LTF: variants seen among roughly 807,000 people sequenced by gnomAD.
The protein encoded by LTF is lactotransferrin.
Under a neutral mutation model 87.2 loss-of-function variants are expected in LTF, and 91 were observed. The observed-to-expected ratio is 1.04, with a 90% CI of 0.88 to 1.24. The LOEUF (loss-of-function observed/expected upper bound fraction) is 1.24. Ranked by LOEUF, LTF falls within the 50% of genes most tolerant of loss-of-function variation. LTF has a pLI of 0.00. For missense variants in LTF, 901 were observed against 904.3 expected (o/e 1.00, Z 0.05); for synonymous variants, 378 against 356.1 (o/e 1.06, Z -0.69).
At chr3:46,484,549 G>A (rs576511144) in intron 1 of LTF, among the ~76,000 whole-genome samples, 155 of 152,274 alleles carry the variant, frequency 1.0e-3, no homozygotes, top group African/African-American at 3.6e-3. Context: ...GTCCCTGCTG[G>A]GAAGGCAGTG....
At chr3:46,444,735 C>T (rs1441221824) in intron 12 of LTF, among the ~76,000 whole-genome samples, 2 of 152,206 alleles carry the variant, frequency 1.3e-5, no homozygotes, top group Non-Finnish European at 1.5e-5. Flanking sequence ...CACCATGCCA[C>T]GGGGCCCACA....
chr3:46,452,565 G>C (rs951180476), intron 6 of LTF, among the ~76,000 whole-genome samples: 5 of 152,180 alleles, frequency 3.3e-5, no homozygotes, highest in African/African-American at 1.2e-4. Context: ...AGAGGGGAGA[G>C]GGAGCTCTCT....
At chr3:46,441,532 G>A in intron 13 of LTF, 49 bp from the exon 14 acceptor site, 1 of 1,342,176 alleles carries the variant, frequency 7.5e-7, no homozygotes, top group South Asian at 1.2e-5. Context: ...AGAAACTAGT[G>A]GGGCTTTCAT....
chr3:46,436,118 C>T lies in LTF; in HGVS notation c.*77G>A. Reference sequence around the variant, plus strand: ...CCTTCAGCAGGGGAGGCCAAGGCCCCAACACACCTGGGGAGAAGAGCTGGG... The same window carrying T: ...CCTTCAGCAGGGGAGGCCAAGGCCCTAACACACCTGGGGAGAAGAGCTGGG... On this transcript the variant is annotated 3_prime_UTR_variant, in exon 17 of 17. Coordinates refer to ENST00000231751, the MANE Select transcript of LTF (RefSeq NM_002343.6). The T allele has an allele frequency of 6.8e-7, 1 of 1,461,202 alleles. No individual in the cohort carries two copies. The highest frequency in any genetic ancestry group is 9.6e-7 in the Non-Finnish European group (1 of 1,041,218). 90.5% of individuals were successfully genotyped at this position (1,461,202 alleles called of 1,614,324 possible).
At chr3:46,472,154 C>G (rs1304318552) in intron 1 of LTF, among the ~76,000 whole-genome samples, 1 of 152,144 alleles carries the variant, frequency 6.6e-6, no homozygotes, top group Non-Finnish European at 1.5e-5. Context: ...TCTTATTCAG[C>G]TAAAACCAGA....
intron 12 of LTF, among the ~76,000 whole-genome samples, chr3:46,444,263 C>T (rs1702592867): frequency 6.6e-6 from 1 of 152,172 alleles, no homozygotes; most frequent in Non-Finnish European, 1.5e-5. Flanking sequence ...GATTAAAGCC[C>T]AGGTTCCAGA....
intron 1 of LTF, chr3:46,470,501 GT>G (rs1423241482): frequency 4.6e-5 from 7 of 152,326 alleles, no homozygotes; most frequent in African/African-American, 1.7e-4. Flanking sequence ...CCTTCACTCA[GT>G]AGGAGCCTGA....
intron 5 of LTF, 128 bp from the exon 6 acceptor site, chr3:46,454,488 G>T: frequency 1.2e-6 from 1 of 850,386 alleles, no homozygotes; most frequent in East Asian, 2.4e-5. Context: ...CTGAAGCTTT[G>T]GGGCATCCCA....
rs2106823690 is a variant in LTF, at chr3:46,437,924, G to C, written c.2098+16C>G. The C allele has an allele frequency of 1.2e-6, 2 of 1,610,846 alleles. No individual in the cohort carries two copies. The highest frequency in any genetic ancestry group is 1.3e-5 in the African/African-American group (1 of 74,778). On this transcript the variant is annotated intron_variant, in intron 16 of 16. Transcript: ENST00000231751. The stretch of plus-strand genomic sequence containing the variant: ...CCATGGTGGTTTCTCGGGGATGCTA[G>C]CTAGGGTCTACTTACGGGAGGTTGA...
Position 46,445,328 on chromosome 3 carries a change from T to C in LTF, c.1466A>G (p.Asn489Ser), listed in dbSNP as rs762410872. 2 of 1,613,818 alleles carry C rather than the reference T, an allele frequency of 1.2e-6. No individual in the cohort carries two copies. Among genetic ancestry groups the C allele is most frequent in the South Asian group, 1.1e-5 (1 of 91,022 alleles). Residue 489 changes from asparagine to serine, a missense_variant, in exon 12 of 17, where the codon AAT becomes AGT. By Grantham distance (46) the Asn-to-Ser change is conservative (BLOSUM62 1). Coordinates refer to ENST00000231751, the MANE Select transcript of LTF (RefSeq NM_002343.6). ...GTTGAAGAGCAGGCCCATGGGGATA[T>C]TCCAGCCTGCAGTCCTGTCCACGGC... ...HTAVDRTAGW[N>S]IPMGLLFNQT...
At chr3:46,452,902 A>G (rs1702838034) in intron 6 of LTF, among the ~76,000 whole-genome samples, 1 of 152,228 alleles carries the variant, frequency 6.6e-6, no homozygotes. Flanking sequence ...TTATTTTAGG[A>G]AATAATTATG....
intron 6 of LTF, among the ~76,000 whole-genome samples, chr3:46,451,272 C>A (rs1356411208): frequency 6.6e-6 from 1 of 152,030 alleles, no homozygotes; most frequent in Non-Finnish European, 1.5e-5. Context: ...ATGTCAAAAT[C>A]AGAAAAAGTA....
At chr3:46,476,126 CT>C (rs1242365207) in intron 1 of LTF, among the ~76,000 whole-genome samples, 2 of 152,138 alleles carry the variant, frequency 1.3e-5, no homozygotes, top group African/African-American at 2.4e-5. Context: ...AATCTAATTA[CT>C]TGGGAGTTTC....
At chr3:46,452,482 G>T (rs1702827637) in intron 6 of LTF, among the ~76,000 whole-genome samples, 1 of 152,200 alleles carries the variant, frequency 6.6e-6, no homozygotes, top group Admixed American at 6.5e-5. Flanking sequence ...ATTAAAGTAT[G>T]ATTTTTTCCA....
chr3:46,473,534 A>C (rs1703320093), intron 1 of LTF, among the ~76,000 whole-genome samples: 1 of 152,262 alleles, frequency 6.6e-6, no homozygotes. Flanking sequence ...TGAAGATCAG[A>C]GTTTCAAAAT....
At chr3:46,439,229 C>A in intron 15 of LTF, 67 bp downstream of exon 15, 1 of 1,463,768 alleles carries the variant, frequency 6.8e-7, no homozygotes, top group Non-Finnish European at 9.3e-7. Flanking sequence ...GCACCTAGCT[C>A]TGTGATCTCC....
intron 13 of LTF, among the ~76,000 whole-genome samples, chr3:46,442,574 A>G (rs1278707343): frequency 6.6e-6 from 1 of 151,674 alleles, no homozygotes; most frequent in African/African-American, 2.4e-5. Flanking sequence ...GAGTAGAATC[A>G]CATTTCCATT....
chr3:46,473,411 A>G (rs754874238), intron 1 of LTF, among the ~76,000 whole-genome samples: 2 of 152,208 alleles, frequency 1.3e-5, no homozygotes, highest in Non-Finnish European at 2.9e-5. Flanking sequence ...CCAGTTCTGG[A>G]TCAAGATGGA....
At chr3:46,442,581 C>CATTTGCAAAT (rs1280655463) in intron 13 of LTF, among the ~76,000 whole-genome samples, 1 of 151,280 alleles carries the variant, frequency 6.6e-6, no homozygotes, top group Non-Finnish European at 1.5e-5. Context: ...ATCACATTTC[C>CATTTGCAAAT]ATTTGCAAAT....
Sources: gnomAD v4.1 joint callset for allele counts (sites outside exome capture counted in the v4.1 genomes callset) on GRCh38, gnomAD v4.1.1 for gene constraint, MANE v1.5 for transcripts, NCBI Gene and HGNC (gene_info 2026-07-23, HGNC 2026-07-21) for gene names.